Variants in SIL1 observed in about 807,000 individuals in gnomAD.
The protein encoded by SIL1 is nucleotide exchange factor SIL1.
In SIL1, 40 loss-of-function variants were observed where a neutral mutation model predicts 49.1. The observed-to-expected ratio is 0.81, with a 90% CI of 0.63 to 1.06. The LOEUF is 1.06. Ranked by LOEUF, SIL1 falls within the 50% of genes least tolerant of loss-of-function variation. SIL1 has a pLI of 0.00. For missense variants in SIL1, 500 were observed against 572.6 expected (o/e 0.87, Z 1.29); for synonymous variants, 253 against 250.8 (o/e 1.01, Z -0.08).
At chr5:139,085,285 G>C (rs148943080) in intron 3 of SIL1, among the ~76,000 whole-genome samples, 55 of 152,274 alleles carry the variant, frequency 3.6e-4, no homozygotes, top group Admixed American at 5.9e-4. Flanking sequence ...GGAAAGAAAG[G>C]GGGAGGTCGT....
chr5:139,115,286 T>C (rs1267342444), intron 3 of SIL1, among the ~76,000 whole-genome samples: 4 of 152,210 alleles, frequency 2.6e-5, no homozygotes, highest in African/African-American at 9.7e-5. Flanking sequence ...TCCTGGCTCA[T>C]TGTTTCTAAA....
At chr5:139,126,290 A>G (rs1182600745) in intron 2 of SIL1, among the ~76,000 whole-genome samples, 1 of 152,248 alleles carries the variant, frequency 6.6e-6, no homozygotes, top group Non-Finnish European at 1.5e-5. Flanking sequence ...ACTAGACTCA[A>G]TAGAGCTAAT....
At chr5:138,986,707 C>A (rs1434944818) in intron 7 of SIL1, among the ~76,000 whole-genome samples, 2 of 152,200 alleles carry the variant, frequency 1.3e-5, no homozygotes, top group Non-Finnish European at 2.9e-5. Context: ...GACTAATAAT[C>A]ACTCACTGTG....
chr5:138,957,104 C>A (rs894301298), intron 7 of SIL1, among the ~76,000 whole-genome samples: 1 of 152,128 alleles, frequency 6.6e-6, no homozygotes, highest in Admixed American at 6.5e-5. Flanking sequence ...ACACAATACA[C>A]ACACACAGAC....
intron 3 of SIL1, chr5:139,108,193 C>T (rs959041681): frequency 1.3e-5 from 2 of 151,960 alleles, no homozygotes; most frequent in South Asian, 2.1e-4. Context: ...TTTTTTTTCT[C>T]TTGACAAGAA....
At chr5:138,960,594 T>C (rs61339060) in intron 7 of SIL1, among the ~76,000 whole-genome samples, 17,054 of 151,902 alleles carry the variant, frequency 0.11, 3,104 homozygotes, top group African/African-American at 0.39. Context: ...CTAACCACCA[T>C]GCCCAGTTTT....
intron 5 of SIL1, among the ~76,000 whole-genome samples, chr5:139,041,792 G>A (rs75667128): frequency 4.3e-5 from 6 of 140,828 alleles, no homozygotes; most frequent in African/African-American, 1.3e-4. Flanking sequence ...CCATCTGGGC[G>A]ACAGAGCAAG....
At chr5:138,971,548 T>C (rs920679435) in intron 7 of SIL1, among the ~76,000 whole-genome samples, 10 of 152,138 alleles carry the variant, frequency 6.6e-5, no homozygotes, top group African/African-American at 2.4e-4. Context: ...AATCTTCTTC[T>C]CAGAGCACAG....
intron 1 of SIL1, among the ~76,000 whole-genome samples, chr5:139,191,845 G>A (rs1450619830): frequency 6.6e-6 from 1 of 151,932 alleles, no homozygotes; most frequent in Non-Finnish European, 1.5e-5. Context: ...GGAAGGCCGA[G>A]GCCGGCAGAT....
intron 3 of SIL1, among the ~76,000 whole-genome samples, chr5:139,084,362 T>A (rs1157537527): frequency 8.0e-6 from 1 of 125,352 alleles, no homozygotes; most frequent in African/African-American, 3.1e-5. Flanking sequence ...CTATTCACAA[T>A]AGCAAAGACT....
At chr5:139,000,848 CTA>C (rs1354949319) in intron 7 of SIL1, among the ~76,000 whole-genome samples, 5 of 151,684 alleles carry the variant, frequency 3.3e-5, no homozygotes, top group African/African-American at 9.7e-5. Context: ...AGTATCCAGA[CTA>C]TATATAATTC....
chr5:139,036,830 T>C (rs1277263921), intron 5 of SIL1, among the ~76,000 whole-genome samples: 1 of 152,164 alleles, frequency 6.6e-6, no homozygotes, highest in Non-Finnish European at 1.5e-5. Flanking sequence ...CCTGAACATG[T>C]ACCCCTGAAC....
At chr5:139,038,515 A>T (rs1768968368) in intron 5 of SIL1, among the ~76,000 whole-genome samples, 1 of 152,140 alleles carries the variant, frequency 6.6e-6, no homozygotes, top group African/African-American at 2.4e-5. Context: ...TCAGTTCCTA[A>T]ACTTTTTGTT....
chr5:139,039,581 A>C (rs1310776178), intron 5 of SIL1, among the ~76,000 whole-genome samples: 1 of 152,044 alleles, frequency 6.6e-6, no homozygotes, highest in African/African-American at 2.4e-5. Context: ...AATCCAAGGA[A>C]CTCACTGATG....
intron 5 of SIL1, among the ~76,000 whole-genome samples, chr5:139,040,323 C>T (rs1240372268): frequency 1.3e-5 from 2 of 151,992 alleles, no homozygotes; most frequent in Admixed American, 1.3e-4. Context: ...GGACTTAGCA[C>T]CTCAGTGATG....
At chr5:139,114,846 C>A (rs1770953180) in intron 3 of SIL1, among the ~76,000 whole-genome samples, 1 of 152,220 alleles carries the variant, frequency 6.6e-6, no homozygotes, top group African/African-American at 2.4e-5. Flanking sequence ...CCCACATTTC[C>A]AGCACTGTGC....
At chr5:139,166,839 C>G (rs890608336) in intron 1 of SIL1, among the ~76,000 whole-genome samples, 2 of 151,354 alleles carry the variant, frequency 1.3e-5, no homozygotes. Flanking sequence ...GACAGAGTCT[C>G]ACTCTGTCGC....
At chr5:139,046,856 A>G (rs934385793) in intron 4 of SIL1, among the ~76,000 whole-genome samples, 2 of 152,186 alleles carry the variant, frequency 1.3e-5, no homozygotes, top group Non-Finnish European at 2.9e-5. Flanking sequence ...TAATTAATCT[A>G]TGATTAATTC....
chr5:139,140,048 A>G (rs1299600802), intron 1 of SIL1, among the ~76,000 whole-genome samples: 2 of 152,126 alleles, frequency 1.3e-5, no homozygotes, highest in African/African-American at 4.8e-5. Flanking sequence ...AGGCAGGTGG[A>G]TCACTTGAGG....
Sources: gnomAD v4.1 joint callset for allele counts (sites outside exome capture counted in the v4.1 genomes callset) on GRCh38, gnomAD v4.1.1 for gene constraint, MANE v1.5 for transcripts, NCBI Gene and HGNC (gene_info 2026-07-23, HGNC 2026-07-21) for gene names.